Variants in APBB2 observed in about 807,000 individuals in gnomAD.
APBB2 encodes amyloid beta precursor protein binding family B member 2, also known as Fe65-like 1.
A neutral mutation model predicts 82.5 loss-of-function variants in APBB2; 38 were observed. That is an observed-to-expected ratio of 0.46 (90% confidence interval 0.36 to 0.60). The LOEUF (loss-of-function observed/expected upper bound fraction) is 0.60. Ranked by LOEUF, APBB2 falls within the 20% of genes least tolerant of loss-of-function variation. The probability of loss-of-function intolerance (pLI) is 0.00; values close to 1 mark genes in which losing one functional copy is unlikely to be tolerated. For synonymous variants in APBB2, 341 were observed against 368.2 expected (o/e 0.93, Z 0.85); for missense variants, 772 against 972.3 (o/e 0.79, Z 2.74).
intron 10 of APBB2, among the ~76,000 whole-genome samples, chr4:40,911,686 C>A (rs570427346): frequency 7.0e-4 from 107 of 152,274 alleles, no homozygotes; most frequent in Admixed American, 2.0e-3. Context: ...TCCAAGGGTC[C>A]TGGGACACCT....
At position 40,982,432 on chromosome 4, in the gene APBB2, AGAAAGAAAGAAAGAAAGAAAGAATGAAT is replaced by A. The variant is rs1240169096; in HGVS notation, c.835+31123_835+31150del. On this transcript the variant is annotated intron_variant, in intron 6 of 17. Coordinates refer to ENST00000508593, the MANE Select transcript of APBB2 (RefSeq NM_004307.2). ...AAGAAAGAAAGAAAGAAAGAAAGAA[AGAAAGAAAGAAAGAAAGAAAGAATGAAT>A]GAATTTGAGACCAGAGACCAGCCTG... Among the ~76,000 whole-genome samples, 11 of 136,462 alleles carry A rather than the reference AGAAAGAAAGAAAGAAAGAAAGAATGAAT, an allele frequency of 8.1e-5. 1 individual carries two copies. The highest frequency in any genetic ancestry group is 1.3e-4 in the Non-Finnish European group (8 of 61,920). 89.5% of individuals were successfully genotyped at this position (136,462 alleles called of 152,430 possible). A position where few individuals can be genotyped will look rare whatever the true frequency, so the allele number is the denominator to read the frequency against.
chr4:41,053,921 T>C (rs28379505), intron 4 of APBB2, among the ~76,000 whole-genome samples: 27,161 of 152,252 alleles, frequency 0.18, 2,524 homozygotes, highest in Non-Finnish European at 0.21. Flanking sequence ...ATCAAGGACA[T>C]GTATAAGGCT....
At chr4:41,189,721 T>TA (rs1773883706) in intron 1 of APBB2, among the ~76,000 whole-genome samples, 1 of 152,240 alleles carries the variant, frequency 6.6e-6, no homozygotes, top group Non-Finnish European at 1.5e-5. Context: ...TGGCTCAGAT[T>TA]CTTCAGCCAT....
intron 2 of APBB2, among the ~76,000 whole-genome samples, chr4:41,134,461 G>A (rs1468370171): frequency 3.3e-5 from 5 of 152,092 alleles, no homozygotes; most frequent in East Asian, 3.9e-4. Context: ...GCGGGTGCCT[G>A]TAGTCCCAGC....
intron 2 of APBB2, among the ~76,000 whole-genome samples, chr4:41,107,433 A>AAT (rs1201849716): frequency 6.6e-6 from 1 of 152,248 alleles, no homozygotes; most frequent in Non-Finnish European, 1.5e-5. Flanking sequence ...CCAGCTAATA[A>AAT]ATATCAAAGG....
At chr4:41,018,497 G>A (rs1314118809) in intron 5 of APBB2, among the ~76,000 whole-genome samples, 1 of 152,184 alleles carries the variant, frequency 6.6e-6, no homozygotes, top group African/African-American at 2.4e-5. Flanking sequence ...AGCAAAGGCA[G>A]GGGTTCTTCT....
At chr4:40,896,843 G>A (rs1773807452) in intron 10 of APBB2, among the ~76,000 whole-genome samples, 2 of 152,164 alleles carry the variant, frequency 1.3e-5, no homozygotes, top group African/African-American at 4.8e-5. Context: ...GGAAACTGGG[G>A]CTTGGACAGG....
chr4:40,964,094 C>A (rs1459386847), intron 6 of APBB2, among the ~76,000 whole-genome samples: 1 of 152,054 alleles, frequency 6.6e-6, no homozygotes, highest in African/African-American at 2.4e-5. Flanking sequence ...ATCCCTCCAA[C>A]CCCCCACCAA....
intron 5 of APBB2, among the ~76,000 whole-genome samples, chr4:41,018,039 T>A (rs1810492881): frequency 6.6e-6 from 1 of 152,092 alleles, no homozygotes; most frequent in Non-Finnish European, 1.5e-5. Context: ...AAAATGAAAT[T>A]ATAATAGTAT....
At chr4:40,841,046 C>A (rs1252016576) in intron 12 of APBB2, among the ~76,000 whole-genome samples, 1 of 152,192 alleles carries the variant, frequency 6.6e-6, no homozygotes, top group Non-Finnish European at 1.5e-5. Context: ...GTGAAACCTG[C>A]AAATTCTCCT....
chr4:41,073,282 T>G (rs1481216599), intron 3 of APBB2, among the ~76,000 whole-genome samples: 3 of 152,216 alleles, frequency 2.0e-5, no homozygotes, highest in Non-Finnish European at 2.9e-5. Context: ...AATTCCCCAT[T>G]ATGATTTTCC....
chr4:40,893,119 A>T, intron 11 of APBB2, 146 bp downstream of exon 11: 1 of 933,042 alleles, frequency 1.1e-6, no homozygotes, highest in Non-Finnish European at 1.6e-6. Flanking sequence ...CGGGGGTACC[A>T]TGCCTACACT....
At chr4:40,821,607 AGGATTGACCGTCGT>A (rs1311132093) in intron 17 of APBB2, among the ~76,000 whole-genome samples, 1 of 152,242 alleles carries the variant, frequency 6.6e-6, no homozygotes, top group African/African-American at 2.4e-5. Flanking sequence ...TTTGGGATCA[AGGATTGACCGTCGT>A]CAAGGTGGTG....
chr4:41,044,734 C>CT (rs1722777803), intron 4 of APBB2, among the ~76,000 whole-genome samples: 1 of 152,100 alleles, frequency 6.6e-6, no homozygotes, highest in South Asian at 2.1e-4. Context: ...CTGTTTTTCC[C>CT]TTTTTTGTCT....
intron 6 of APBB2, among the ~76,000 whole-genome samples, chr4:41,005,397 G>T (rs1806421166): frequency 6.7e-6 from 1 of 149,656 alleles, no homozygotes; most frequent in Non-Finnish European, 1.5e-5. Flanking sequence ...CAACTTAAGG[G>T]TTTTTTTTTT....
chr4:41,073,900 G>A (rs1462108042), intron 3 of APBB2, among the ~76,000 whole-genome samples: 4 of 152,214 alleles, frequency 2.6e-5, no homozygotes, highest in Non-Finnish European at 5.9e-5. Flanking sequence ...GATCACTTGA[G>A]GCCAGCAGTT....
At chr4:40,839,548 G>A (rs1341685813) in intron 12 of APBB2, among the ~76,000 whole-genome samples, 1 of 152,084 alleles carries the variant, frequency 6.6e-6, no homozygotes, top group African/African-American at 2.4e-5. Context: ...ATTTGTGAAG[G>A]CTGGCACATG....
intron 10 of APBB2, among the ~76,000 whole-genome samples, chr4:40,928,377 T>C (rs781432675): frequency 6.8e-6 from 1 of 147,530 alleles, no homozygotes; most frequent in Non-Finnish European, 1.5e-5. Flanking sequence ...ACAACATCTC[T>C]ACTAAAGAAA....
At chr4:41,124,760 A>G (rs756323561) in intron 2 of APBB2, among the ~76,000 whole-genome samples, 6 of 152,344 alleles carry the variant, frequency 3.9e-5, no homozygotes, top group Non-Finnish European at 5.9e-5. Context: ...ATTTGGGTAA[A>G]TAAACATCAC....
Sources: allele counts gnomAD v4.1 joint callset (sites outside exome capture counted in the v4.1 genomes callset), GRCh38; gene constraint gnomAD v4.1.1; transcripts MANE v1.5; gene names NCBI Gene and HGNC (gene_info 2026-07-23, HGNC 2026-07-21).